Variants in CADPS observed in about 807,000 individuals in gnomAD.
CADPS encodes the protein calcium dependent secretion activator, also known as calcium-dependent secretion activator 1.
A neutral mutation model predicts 167.3 loss-of-function variants in CADPS; 57 were observed. The ratio of observed to expected loss-of-function variants is 0.34; its 90% CI spans 0.28 to 0.42. The LOEUF is 0.42. CADPS is among the 20% of genes least tolerant of loss of function. CADPS has a pLI of 1.00. For missense variants in CADPS, 1,414 were observed against 1,738.1 expected (o/e 0.81, Z 3.32); for synonymous variants, 676 against 635.3 (o/e 1.06, Z -0.96).
intron 11 of CADPS, among the ~76,000 whole-genome samples, chr3:62,537,961 A>G (rs140930064): frequency 2.4e-3 from 369 of 152,268 alleles, no homozygotes; most frequent in African/African-American, 8.2e-3. Flanking sequence ...TTTGAACGAG[A>G]TGTGGCGTTT....
At chr3:62,681,220 C>T (rs1340828139) in intron 3 of CADPS, among the ~76,000 whole-genome samples, 1 of 152,076 alleles carries the variant, frequency 6.6e-6, no homozygotes, top group East Asian at 1.9e-4. Context: ...TCCTTCTGCC[C>T]TAGGGCAGGT....
At chr3:62,629,757 G>GTTTTTTTTTTTTTTTTTTTTTTT (rs55956118) in intron 6 of CADPS, among the ~76,000 whole-genome samples, 9 of 145,656 alleles carry the variant, frequency 6.2e-5, no homozygotes, top group Non-Finnish European at 7.6e-5. Flanking sequence ...CTCTGGTACA[G>GTTTTTTTTTTTTTTTTTTTTTTT]TTTTTTTTTT....
intron 1 of CADPS, among the ~76,000 whole-genome samples, chr3:62,790,209 T>A (rs1375029141): frequency 6.6e-6 from 1 of 152,210 alleles, no homozygotes; most frequent in Non-Finnish European, 1.5e-5. Flanking sequence ...TTATAAATTA[T>A]GGACACAGAA....
chr3:62,551,748 G>T (rs2077349273), intron 10 of CADPS, among the ~76,000 whole-genome samples: 1 of 152,060 alleles, frequency 6.6e-6, no homozygotes, highest in Non-Finnish European at 1.5e-5. Flanking sequence ...GAACACCCCA[G>T]GCATGTGCTC....
intron 1 of CADPS, among the ~76,000 whole-genome samples, chr3:62,804,428 G>T (rs2093963741): frequency 6.6e-6 from 1 of 152,028 alleles, no homozygotes; most frequent in South Asian, 2.1e-4. Context: ...GGGTGAGAGG[G>T]GTGAGTGACT....
intron 17 of CADPS, among the ~76,000 whole-genome samples, chr3:62,503,974 T>C (rs1466376992): frequency 6.6e-6 from 1 of 152,166 alleles, no homozygotes; most frequent in Non-Finnish European, 1.5e-5. Context: ...GTTTCCTTCT[T>C]GGTTTGCTTG....
intron 1 of CADPS, among the ~76,000 whole-genome samples, chr3:62,852,148 G>A (rs2078734439): frequency 6.7e-6 from 1 of 149,278 alleles, no homozygotes. Flanking sequence ...GCACTTCTCT[G>A]TATTGGTTAT....
At chr3:62,784,969 G>A (rs939025761) in intron 1 of CADPS, among the ~76,000 whole-genome samples, 1 of 152,074 alleles carries the variant, frequency 6.6e-6, no homozygotes, top group Admixed American at 6.6e-5. Flanking sequence ...TGTAATAATG[G>A]TACGGTGGGT....
chr3:62,774,006 A>G lies in CADPS; in HGVS notation c.442-8022T>C, dbSNP rs374795460. ...ACTCTAACAAAGAGTTCTATGACCTACAGGGAAATGAACATGGAGACATAA... is the reference window on the plus strand; with the variant it reads ...ACTCTAACAAAGAGTTCTATGACCTGCAGGGAAATGAACATGGAGACATAA... On this transcript the variant is annotated intron_variant, in intron 1 of 29. Coordinates refer to ENST00000383710, the MANE Select transcript of CADPS (RefSeq NM_003716.4). 6.6e-5 allele frequency among the ~76,000 whole-genome samples: 10 copies of G among 152,332 alleles called. No homozygotes were observed. In the East Asian group the frequency reaches 1.2e-3, roughly 18 times the overall value.
rs1301913509 is a variant in CADPS, at chr3:62,850,602, C to T, written c.441+23987G>A. On this transcript the variant is annotated intron_variant, in intron 1 of 29. Coordinates refer to ENST00000383710, the MANE Select transcript of CADPS (RefSeq NM_003716.4). ...AGCGGCTTTGAGTGAGATTCTTAAT[C>T]CTGAGTTCTAGTTTGATTGCACTGT... Among the ~76,000 whole-genome samples, 8 of 144,524 alleles carry T rather than the reference C, an allele frequency of 5.5e-5. No homozygotes were observed. The South Asian group carries it at 1.9e-3, about 35-fold the overall frequency. The allele number at this position is 144,524 out of a possible 152,430, so 94.8% of individuals were successfully genotyped here.
chr3:62,772,028 A>G (rs2088956385), intron 1 of CADPS, among the ~76,000 whole-genome samples: 1 of 152,202 alleles, frequency 6.6e-6, no homozygotes, highest in African/African-American at 2.4e-5. Context: ...GGGGAAAGCA[A>G]TATCTACTTT....
intron 21 of CADPS, among the ~76,000 whole-genome samples, chr3:62,490,755 G>A (rs1427552178): frequency 6.6e-6 from 1 of 152,152 alleles, no homozygotes; most frequent in Non-Finnish European, 1.5e-5. Context: ...TTAAAAAGGT[G>A]CATCTAAAAG....
At chr3:62,593,345 C>T (rs555200205) in intron 6 of CADPS, among the ~76,000 whole-genome samples, 2 of 152,302 alleles carry the variant, frequency 1.3e-5, no homozygotes, top group Admixed American at 6.5e-5. Context: ...TTGTGGATAT[C>T]GGAGTCTCAG....
intron 1 of CADPS, among the ~76,000 whole-genome samples, chr3:62,860,138 G>A (rs1437549336): frequency 2.0e-5 from 3 of 152,134 alleles, no homozygotes; most frequent in Non-Finnish European, 4.4e-5. Context: ...TTCTGTCTTT[G>A]CTCATGCTGT....
chr3:62,603,993 A>ATT (rs11426162), intron 6 of CADPS, among the ~76,000 whole-genome samples: 117 of 147,676 alleles, frequency 7.9e-4, no homozygotes, highest in Middle Eastern at 3.4e-3. Context: ...CGCCCGGCTA[A>ATT]TTTTTTTTTT....
rs1209530316 is a variant in CADPS at position 62,850,749 on chromosome 3, T to C, written c.441+23840A>G. Among the ~76,000 whole-genome samples the C allele has an allele frequency of 3.6e-4, 54 of 151,588 alleles. No homozygotes were observed. The South Asian group carries it at 7.6e-3, about 21-fold the overall frequency. ...GTGGTGCTGAAAAAAATGTATATTC[T>C]GTTGATTTGGGGTGGAGAGTTCTGT... On this transcript the variant is annotated intron_variant, in intron 1 of 29. Coordinates refer to ENST00000383710, the MANE Select transcript of CADPS (RefSeq NM_003716.4).
intron 1 of CADPS, among the ~76,000 whole-genome samples, chr3:62,795,311 C>G (rs915167173): frequency 2.0e-5 from 3 of 152,004 alleles, no homozygotes; most frequent in African/African-American, 7.3e-5. Context: ...CCTTTCATCA[C>G]CCTCACATTT....
At chr3:62,723,135 C>CAATTATGGGAA (rs2076120271) in intron 3 of CADPS, among the ~76,000 whole-genome samples, 1 of 152,150 alleles carries the variant, frequency 6.6e-6, no homozygotes, top group South Asian at 2.1e-4. Flanking sequence ...GTTAACCACA[C>CAATTATGGGAA]AATTATGGGA....
chr3:62,817,157 T>G (rs973387699), intron 1 of CADPS, among the ~76,000 whole-genome samples: 1 of 152,188 alleles, frequency 6.6e-6, no homozygotes, highest in African/African-American at 2.4e-5. Flanking sequence ...AAAAGTTGAC[T>G]GAAGAGCCTT....
Sources: allele counts gnomAD v4.1 joint callset (sites outside exome capture counted in the v4.1 genomes callset), GRCh38; gene constraint gnomAD v4.1.1; transcripts MANE v1.5; gene names NCBI Gene and HGNC (gene_info 2026-07-23, HGNC 2026-07-21).